The following STAG1 variants were observed in gnomAD, a reference collection of about 807,000 sequenced individuals.
STAG1 encodes the protein cohesin subunit SA-1.
STAG1 carries 26 observed loss-of-function variants against 170.9 expected under a neutral mutation model. The observed-to-expected ratio is 0.15, with a 90% confidence interval of 0.11 to 0.21. STAG1 has a LOEUF of 0.21. Among genes scored for constraint, STAG1 ranks in the 10% least tolerant of loss-of-function variants. The pLI, the probability that STAG1 is intolerant of heterozygous loss-of-function variation, is 1.00. For synonymous variants in STAG1, 514 were observed against 497.7 expected, an observed-to-expected ratio of 1.03 and a Z score of -0.44; for missense variants, 964 against 1,509.5, an observed-to-expected ratio of 0.64 and a Z score of 5.99.
chr3:136,445,862 T>G (rs1268382187), intron 14 of STAG1, among the ~76,000 whole-genome samples: 1 of 152,218 alleles, frequency 6.6e-6, no homozygotes. Flanking sequence ...TCCAGCCTAT[T>G]ATTTATAAAC....
intron 7 of STAG1, among the ~76,000 whole-genome samples, chr3:136,512,007 C>A (rs1934087867): frequency 6.9e-6 from 1 of 145,320 alleles, no homozygotes; most frequent in South Asian, 2.2e-4. Context: ...ATAATCCTAG[C>A]ACTTTGGGAG....
intron 7 of STAG1, among the ~76,000 whole-genome samples, chr3:136,518,587 G>C (rs1221943889): frequency 1.3e-5 from 2 of 152,124 alleles, no homozygotes; most frequent in Non-Finnish European, 2.9e-5. Flanking sequence ...AAGGGTAGGT[G>C]ACTGCTATGT....
intron 13 of STAG1, among the ~76,000 whole-genome samples, chr3:136,463,953 C>T (rs1485464817): frequency 6.7e-6 from 1 of 148,880 alleles, no homozygotes. Flanking sequence ...AGTTAATCTA[C>T]TAATCAATTA....
chr3:136,631,282 T>A (rs1559919859), intron 1 of STAG1, among the ~76,000 whole-genome samples: 1 of 152,212 alleles, frequency 6.6e-6, no homozygotes, highest in Non-Finnish European at 1.5e-5. Flanking sequence ...ACCTTAAATA[T>A]TATTAAGTAA....
At chr3:136,447,973 C>T (rs1337362119) in intron 14 of STAG1, among the ~76,000 whole-genome samples, 1 of 152,068 alleles carries the variant, frequency 6.6e-6, no homozygotes, top group Non-Finnish European at 1.5e-5. Flanking sequence ...GAAATCCAGA[C>T]TTATCACATT....
intron 1 of STAG1, among the ~76,000 whole-genome samples, chr3:136,681,258 A>C (rs2107887038): frequency 6.6e-6 from 1 of 152,338 alleles, no homozygotes; most frequent in East Asian, 1.9e-4. Flanking sequence ...AATATAATCA[A>C]TCTGTGAATT....
chr3:136,618,587 A>T (rs1338753031), intron 3 of STAG1, among the ~76,000 whole-genome samples: 1 of 152,224 alleles, frequency 6.6e-6, no homozygotes, highest in Non-Finnish European at 1.5e-5. Context: ...AGAGAAAAAA[A>T]TCCATAATAA....
intron 1 of STAG1, among the ~76,000 whole-genome samples, chr3:136,683,937 C>T (rs887941181): frequency 3.3e-5 from 5 of 152,092 alleles, no homozygotes; most frequent in Non-Finnish European, 5.9e-5. Flanking sequence ...TATGTTAGCA[C>T]CCCAAAACAT....
chr3:136,618,784 ATTAT>A (rs890368535), intron 3 of STAG1, among the ~76,000 whole-genome samples: 1 of 69,742 alleles, frequency 1.4e-5, no homozygotes, highest in Non-Finnish European at 4.0e-5. Flanking sequence ...TTATATCAAT[ATTAT>A]TTTCATATTT....
At chr3:136,673,037 A>G (rs1018554648) in intron 1 of STAG1, among the ~76,000 whole-genome samples, 1 of 152,254 alleles carries the variant, frequency 6.6e-6, no homozygotes, top group Non-Finnish European at 1.5e-5. Flanking sequence ...ATTCTCATTA[A>G]GAGATGGGGC....
intron 15 of STAG1, among the ~76,000 whole-genome samples, chr3:136,442,862 C>T (rs537603507): frequency 3.3e-5 from 5 of 152,068 alleles, no homozygotes; most frequent in Admixed American, 6.6e-5. Flanking sequence ...CCTGTCTCCA[C>T]AAAAAATTTA....
intron 1 of STAG1, among the ~76,000 whole-genome samples, chr3:136,678,025 A>C (rs1576752798): frequency 6.7e-6 from 1 of 149,304 alleles, no homozygotes; most frequent in East Asian, 1.9e-4. Flanking sequence ...ATTTAGTAAA[A>C]GTTGGCACTA....
At chr3:136,565,003 A>C (rs1392590925) in intron 5 of STAG1, among the ~76,000 whole-genome samples, 76 of 62,488 alleles carry the variant, frequency 1.2e-3, no homozygotes, top group African/African-American at 6.7e-3. Flanking sequence ...GGAAGGAAGG[A>C]AGGAAGGAAG....
chr3:136,401,937 G>GC (rs1176458273), intron 21 of STAG1, among the ~76,000 whole-genome samples: 1 of 151,906 alleles, frequency 6.6e-6, no homozygotes, highest in Non-Finnish European at 1.5e-5. Context: ...TAGAGACAGG[G>GC]TTCACCATGT....
intron 16 of STAG1, among the ~76,000 whole-genome samples, chr3:136,425,288 T>C (rs2107734208): frequency 6.6e-6 from 1 of 152,230 alleles, no homozygotes; most frequent in East Asian, 1.9e-4. Context: ...ATTTCCAGGA[T>C]ACACTGCTAA....
intron 1 of STAG1, among the ~76,000 whole-genome samples, chr3:136,688,364 A>G (rs2107894366): frequency 6.6e-6 from 1 of 152,330 alleles, no homozygotes; most frequent in South Asian, 2.1e-4. Flanking sequence ...GAGTGCACTA[A>G]GCAAAGATCG....
chr3:136,474,380 C>G (rs963486777), intron 10 of STAG1, among the ~76,000 whole-genome samples: 1 of 152,098 alleles, frequency 6.6e-6, no homozygotes, highest in Non-Finnish European at 1.5e-5. Flanking sequence ...AATTTATTAG[C>G]TACATGCAAG....
intron 1 of STAG1, among the ~76,000 whole-genome samples, chr3:136,683,271 T>A (rs892784556): frequency 1.7e-4 from 26 of 151,072 alleles, no homozygotes; most frequent in Non-Finnish European, 3.0e-4. Context: ...CAACACAATT[T>A]TTTTTTTTTT....
At chr3:136,712,625 T>C (rs981519899) in intron 1 of STAG1, among the ~76,000 whole-genome samples, 14 of 152,188 alleles carry the variant, frequency 9.2e-5, no homozygotes, top group Non-Finnish European at 1.8e-4. Context: ...GGCAATAATG[T>C]GCACTCAGGA....
Sources: allele counts gnomAD v4.1 joint callset (sites outside exome capture counted in the v4.1 genomes callset), GRCh38; gene constraint gnomAD v4.1.1; transcripts MANE v1.5; gene names NCBI Gene and HGNC (gene_info 2026-07-23, HGNC 2026-07-21).